The following MACROD2 variants were observed in gnomAD, a reference collection of about 807,000 sequenced individuals.
The protein encoded by MACROD2 is mono-ADP ribosylhydrolase 2, also known as ADP-ribose glycohydrolase MACROD2.
A neutral mutation model predicts 70.4 loss-of-function variants in MACROD2; 36 were observed. That is an observed-to-expected ratio of 0.51 (90% CI 0.39 to 0.68). MACROD2 has a LOEUF of 0.68. Among genes scored for constraint, MACROD2 ranks in the 30% least tolerant of loss-of-function variants. The pLI is 0.00. For synonymous variants in MACROD2, 172 were observed against 178.8 expected (o/e 0.96, Z 0.30); for missense variants, 496 against 538.4 (o/e 0.92, Z 0.78).
chr20:15,645,670 C>G (rs1422723158), intron 8 of MACROD2, among the ~76,000 whole-genome samples: 2 of 152,032 alleles, frequency 1.3e-5, no homozygotes, highest in East Asian at 3.9e-4. Context: ...CATGAGTTCC[C>G]TAAGAAAATA....
Position 15,274,078 on chromosome 20 carries a change from A to G in MACROD2, c.540+44017A>G, listed in dbSNP as rs138823370. ...AGTTCTAAGAGTTTAATGAAGCAGC[A>G]TTGCCTCATGACTGGTAAGAATAAG... On this transcript the variant is annotated intron_variant, in intron 6 of 17. Coordinates refer to ENST00000684519, the MANE Select transcript of MACROD2 (RefSeq NM_001351661.2). 9.2e-5 allele frequency among the ~76,000 whole-genome samples: 14 copies of G among 152,304 alleles called. No homozygotes were observed. The East Asian group carries it at 2.5e-3, about 27-fold the overall frequency.
intron 3 of MACROD2, among the ~76,000 whole-genome samples, chr20:14,125,310 G>A (rs2054634770): frequency 6.6e-6 from 1 of 152,100 alleles, no homozygotes; most frequent in South Asian, 2.1e-4. Flanking sequence ...TGTTATATAA[G>A]TTTTACCTCA....
Position 15,929,743 on chromosome 20 carries a change from T to TA in MACROD2, c.776-3532dup, listed in dbSNP as rs1440216514. Among the ~76,000 whole-genome samples, 3 of 152,304 alleles carry TA rather than the reference T, an allele frequency of 2.0e-5. No individual in the cohort carries two copies. In the South Asian group the frequency reaches 6.2e-4, roughly 32 times the overall value. ...GATCATGTTGTTGAGATTTTGCCCT[T>TA]ACAAAACTCTCCCATGTAGAGTCAA... On this transcript the variant is annotated intron_variant, in intron 10 of 17. Coordinates refer to ENST00000684519, the MANE Select transcript of MACROD2 (RefSeq NM_001351661.2).
intron 6 of MACROD2, among the ~76,000 whole-genome samples, chr20:15,397,878 T>C (rs1160017818): frequency 6.6e-6 from 1 of 152,112 alleles, no homozygotes; most frequent in Non-Finnish European, 1.5e-5. Context: ...TTGAAAAAAG[T>C]GTGCAGAGAG....
At chr20:14,490,621 G>A (rs1479710618) in intron 3 of MACROD2, among the ~76,000 whole-genome samples, 1 of 152,036 alleles carries the variant, frequency 6.6e-6, no homozygotes, top group Non-Finnish European at 1.5e-5. Context: ...TAAAAATAGT[G>A]GCATCATGTT....
intron 2 of MACROD2, chr20:14,051,966 A>C (rs1437983707): frequency 1.9e-6 from 1 of 515,134 alleles, no homozygotes; most frequent in Non-Finnish European, 3.9e-6. Flanking sequence ...ATGGCATGGG[A>C]AAGAGTGCCT....
chr20:14,793,194 T>C (rs2072470384), intron 5 of MACROD2, among the ~76,000 whole-genome samples: 2 of 152,076 alleles, frequency 1.3e-5, no homozygotes, highest in Admixed American at 6.6e-5. Context: ...TGTGTGTGTG[T>C]GTGTAAAGTG....
chr20:15,167,297 G>A (rs1333843999), intron 5 of MACROD2, among the ~76,000 whole-genome samples: 1 of 152,076 alleles, frequency 6.6e-6, no homozygotes, highest in Non-Finnish European at 1.5e-5. Flanking sequence ...TCTTAATAGT[G>A]CTCTTTTAAT....
chr20:15,996,219 A>AAT (rs199934519), intron 15 of MACROD2, among the ~76,000 whole-genome samples: 2,524 of 152,208 alleles, frequency 0.017, 46 homozygotes, highest in Non-Finnish European at 0.02. Context: ...GTAAGGTCAT[A>AAT]TCTCATTGTG....
intron 8 of MACROD2, among the ~76,000 whole-genome samples, chr20:15,585,790 TC>T (rs1335043569): frequency 6.6e-6 from 1 of 151,546 alleles, no homozygotes; most frequent in Non-Finnish European, 1.5e-5. Flanking sequence ...AATTCACACT[TC>T]CTGGGACTAC....
chr20:15,637,254 A>C (rs1279219277), intron 8 of MACROD2, among the ~76,000 whole-genome samples: 3 of 152,308 alleles, frequency 2.0e-5, no homozygotes, highest in Non-Finnish European at 4.4e-5. Context: ...TCCGTCTGTA[A>C]AACAGGGGAA....
intron 3 of MACROD2, among the ~76,000 whole-genome samples, chr20:14,304,213 G>T (rs2082500613): frequency 6.6e-6 from 1 of 151,970 alleles, no homozygotes; most frequent in African/African-American, 2.4e-5. Context: ...CCTATCCTTG[G>T]ACACTTTATG....
chr20:14,656,178 A>G (rs1356037366), intron 4 of MACROD2, among the ~76,000 whole-genome samples: 2 of 152,132 alleles, frequency 1.3e-5, no homozygotes, highest in Non-Finnish European at 2.9e-5. Flanking sequence ...AGGGGACTAC[A>G]TCTTATCTGC....
chr20:15,152,408 T>G (rs2076276701), intron 5 of MACROD2, among the ~76,000 whole-genome samples: 3 of 147,764 alleles, frequency 2.0e-5, no homozygotes, highest in African/African-American at 7.6e-5. Context: ...GAGAAGGGGT[T>G]TGGGGCATGG....
At chr20:14,729,971 A>G (rs1286363270) in intron 5 of MACROD2, among the ~76,000 whole-genome samples, 1 of 152,078 alleles carries the variant, frequency 6.6e-6, no homozygotes, top group Non-Finnish European at 1.5e-5. Flanking sequence ...TTATTAAACC[A>G]TTTTTTTAGG....
At chr20:15,567,491 A>C (rs1052801503) in intron 8 of MACROD2, among the ~76,000 whole-genome samples, 6 of 152,242 alleles carry the variant, frequency 3.9e-5, no homozygotes, top group African/African-American at 1.2e-4. Flanking sequence ...CCAGATTATC[A>C]TAGTATATAA....
At chr20:14,598,681 G>A (rs1322775371) in intron 4 of MACROD2, among the ~76,000 whole-genome samples, 2 of 152,116 alleles carry the variant, frequency 1.3e-5, no homozygotes, top group Non-Finnish European at 2.9e-5. Context: ...TATTTGCTGT[G>A]AAGCTTTCCC....
chr20:15,394,153 C>G (rs1362546786), intron 6 of MACROD2, among the ~76,000 whole-genome samples: 1 of 152,178 alleles, frequency 6.6e-6, no homozygotes, highest in Non-Finnish European at 1.5e-5. Context: ...CATATCAACT[C>G]TCCTAACAGT....
At chr20:14,113,304 C>G (rs2148686765) in intron 3 of MACROD2, among the ~76,000 whole-genome samples, 1 of 151,920 alleles carries the variant, frequency 6.6e-6, no homozygotes, top group East Asian at 1.9e-4. Flanking sequence ...TTCTTTTGAC[C>G]TTGAGGTGCA....
Sources: allele counts gnomAD v4.1 joint callset (sites outside exome capture counted in the v4.1 genomes callset), GRCh38; gene constraint gnomAD v4.1.1; transcripts MANE v1.5; gene names NCBI Gene and HGNC (gene_info 2026-07-23, HGNC 2026-07-21).